Variants in BRWD1 observed in about 807,000 individuals in gnomAD.
BRWD1 encodes bromodomain and WD repeat domain containing 1, also known as bromodomain and WD repeat-containing protein 1.
In BRWD1, 82 loss-of-function variants were observed where a neutral mutation model predicts 251.2. That is an observed-to-expected ratio of 0.33 (90% CI 0.27 to 0.39). The LOEUF is 0.39. Among genes scored for constraint, BRWD1 ranks in the 10% least tolerant of loss-of-function variants. The probability of loss-of-function intolerance (pLI) is 1.00; values close to 1 mark genes in which losing one functional copy is unlikely to be tolerated. For missense variants in BRWD1, 2,233 were observed against 2,711.6 expected (o/e 0.82, Z 3.92); for synonymous variants, 918 against 902.8 (o/e 1.02, Z -0.30).
At chr21:39,303,186 G>A (rs1430139760) in intron 4 of BRWD1, among the ~76,000 whole-genome samples, 1 of 152,004 alleles carries the variant, frequency 6.6e-6, no homozygotes, top group Non-Finnish European at 1.5e-5. Context: ...AACCTCTAGG[G>A]AAACCACCAA....
In BRWD1 at chr21:39,218,932, A is replaced by G. The variant is rs955823059; in HGVS notation, c.3383-272T>C. 2.6e-5 allele frequency among the ~76,000 whole-genome samples: 4 copies of G among 152,276 alleles called. No homozygotes were observed. The East Asian group carries it at 7.7e-4, about 29-fold the overall frequency. ...TTCAGTCTATTTCTTCAAGGAGGCA[A>G]ACTTAACCCTGAGGCCTCTGAAAAC... On this transcript the variant is annotated intron_variant, in intron 29 of 40. Transcript: ENST00000342449.
chr21:39,312,816 G>A (rs779851637), intron 4 of BRWD1, 25 bp downstream of exon 4: 66 of 1,582,940 alleles, frequency 4.2e-5, no homozygotes, highest in Non-Finnish European at 5.1e-5. Context: ...GGAAAACCCG[G>A]GGAGCAAACG....
At position 39,292,137 on chromosome 21, in the gene BRWD1, G is replaced by GGGGGT. The variant is rs2035833674; in HGVS notation, c.831+1673_831+1674insACCCC. 6.6e-5 allele frequency among the ~76,000 whole-genome samples: 6 copies of GGGGGT among 90,554 alleles called. 1 individual carries two copies. The highest frequency in any genetic ancestry group is 2.6e-4 in the Admixed American group (2 of 7,628). The allele number at this position is 90,554 out of a possible 152,430, so 59.4% of individuals were successfully genotyped here. A position where few individuals can be genotyped will look rare whatever the true frequency, so the allele number is the denominator to read the frequency against. Reference sequence around the variant, plus strand: ...TTGTGGGGGGTGGGTGGGGGTGGGGGGGGGGGTCTCACTAAGTTGCCCAGG... The same window carrying GGGGGT: ...TTGTGGGGGGTGGGTGGGGGTGGGGGGGGGTGGGGGGTCTCACTAAGTTGCCCAGG... On this transcript the variant is annotated intron_variant, in intron 8 of 40. Coordinates refer to ENST00000342449, the MANE Select transcript of BRWD1 (RefSeq NM_033656.4).
At chr21:39,308,434 A>T (rs1006329841) in intron 4 of BRWD1, among the ~76,000 whole-genome samples, 1 of 149,494 alleles carries the variant, frequency 6.7e-6, no homozygotes, top group Admixed American at 6.8e-5. Context: ...GTCAGCCAAG[A>T]TTATACCACT....
intron 3 of BRWD1, 39 bp from the exon 4 acceptor site, chr21:39,312,939 CGGCGCGGGGGGGGCGGGGGGCG>C: frequency 2.0e-6 from 2 of 982,960 alleles, no homozygotes; most frequent in Non-Finnish European, 2.4e-6. Context: ...ACCACCCCTC[CGGCGCGGGGGGGGCGGGGGGCG>C]GGGGGCCGGG....
intron 4 of BRWD1, among the ~76,000 whole-genome samples, chr21:39,308,347 T>C (rs997317092): frequency 5.9e-5 from 9 of 152,046 alleles, no homozygotes; most frequent in African/African-American, 1.9e-4. Flanking sequence ...CCAGGCATAG[T>C]GGTACATGTC....
chr21:39,196,589 C>T lies in BRWD1; in HGVS notation c.6480G>A (p.Leu2160=). 1.2e-6 allele frequency: 2 copies of T among 1,613,386 alleles called. No individual in the cohort carries two copies. Among genetic ancestry groups the T allele is most frequent in the Non-Finnish European group, 1.7e-6 (2 of 1,179,766 alleles). Residue 2160 remains leucine, a synonymous_variant, in exon 41 of 41, where the codon TTG becomes TTA. Transcript: ENST00000342449. ...CAATATCTGATTCAGTTACAGATCCCAAATCTGATGATTTGGAACTAGTAT... is the reference window on the plus strand; with the variant it reads ...CAATATCTGATTCAGTTACAGATCCTAAATCTGATGATTTGGAACTAGTAT... ...RPDTSSKSSD[L]GSVTESDIDC...
At chr21:39,312,012 T>C (rs1196831510) in intron 4 of BRWD1, among the ~76,000 whole-genome samples, 1 of 152,222 alleles carries the variant, frequency 6.6e-6, no homozygotes, top group Non-Finnish European at 1.5e-5. Flanking sequence ...GGCCTGGCAA[T>C]TAATGAATTC....
At chr21:39,274,827 G>C (rs1030982602) in intron 12 of BRWD1, among the ~76,000 whole-genome samples, 7 of 152,160 alleles carry the variant, frequency 4.6e-5, no homozygotes, top group African/African-American at 1.7e-4. Context: ...GGATCACAAG[G>C]TCAGGAGTTC....
intron 5 of BRWD1, chr21:39,296,854 T>A: frequency 1.0e-6 from 1 of 978,120 alleles, no homozygotes; most frequent in Non-Finnish European, 1.2e-6. Context: ...TTACAACTGA[T>A]CCAACTTTTC....
intron 15 of BRWD1, among the ~76,000 whole-genome samples, chr21:39,268,924 C>T (rs2035014200): frequency 6.6e-6 from 1 of 151,880 alleles, no homozygotes; most frequent in South Asian, 2.1e-4. Flanking sequence ...GGAGGCGGAG[C>T]TTGCAGTGAG....
chr21:39,240,242 G>C (rs1309700462), intron 21 of BRWD1, among the ~76,000 whole-genome samples: 1 of 152,218 alleles, frequency 6.6e-6, no homozygotes, highest in East Asian at 1.9e-4. Context: ...CTGTTGGGAA[G>C]AGAAAGATGA....
chr21:39,240,487 C>T (rs368369311), intron 21 of BRWD1, among the ~76,000 whole-genome samples: 20 of 152,206 alleles, frequency 1.3e-4, no homozygotes, highest in Non-Finnish European at 2.6e-4. Context: ...GGGCAAGACC[C>T]TGTCCCTAAG....
At chr21:39,314,702 A>C (rs931580322), upstream of BRWD1, 10 of 259,030 alleles carry the variant, frequency 3.9e-5, no homozygotes, top group African/African-American at 2.3e-4. Context: ...ATGCGCGTTA[A>C]CAATTCTGAT....
upstream of BRWD1, chr21:39,315,747 TAA>T (rs34848319): frequency 9.9e-3 from 1,486 of 149,460 alleles, 31 homozygotes; most frequent in African/African-American, 0.032. Context: ...TGATGGAGAT[TAA>T]AAAAAAAAAA....
intron 8 of BRWD1, among the ~76,000 whole-genome samples, chr21:39,288,223 G>C (rs961029809): frequency 2.0e-5 from 3 of 152,176 alleles, no homozygotes; most frequent in Non-Finnish European, 4.4e-5. Flanking sequence ...CCCAAGACCA[G>C]TGATTAAAGA....
intron 22 of BRWD1, among the ~76,000 whole-genome samples, chr21:39,238,024 G>C (rs1020494684): frequency 6.6e-6 from 1 of 152,084 alleles, no homozygotes; most frequent in African/African-American, 2.4e-5. Flanking sequence ...CGGATAGGTG[G>C]ACAAGAGAGA....
intron 17 of BRWD1, among the ~76,000 whole-genome samples, chr21:39,264,026 G>C (rs2034839120): frequency 6.6e-6 from 1 of 152,102 alleles, no homozygotes; most frequent in Non-Finnish European, 1.5e-5. Flanking sequence ...TCAACATCAT[G>C]AAAGTCAAAA....
In BRWD1 at chr21:39,187,284, A is replaced by G. The variant is rs768952319; in HGVS notation, c.*8975T>C. The G allele has an allele frequency of 4.3e-6, 7 of 1,614,042 alleles. 1 individual carries two copies. The East Asian group carries it at 1.6e-4, about 36-fold the overall frequency. On this transcript the variant is annotated 3_prime_UTR_variant, in exon 41 of 41. Transcript: ENST00000342449. The stretch of plus-strand genomic sequence containing the variant: ...TCTTTATTTTATTTGCAGCAACAGT[A>G]GCACATCTGCGGGGAACTTTCTCAG...
Sources: gnomAD v4.1 joint callset for allele counts (sites outside exome capture counted in the v4.1 genomes callset) on GRCh38, gnomAD v4.1.1 for gene constraint, MANE v1.5 for transcripts, NCBI Gene and HGNC (gene_info 2026-07-23, HGNC 2026-07-21) for gene names.